Variants in MARCHF1 observed in about 807,000 individuals in gnomAD.
The protein encoded by MARCHF1 is membrane associated ring-CH-type finger 1, also known as E3 ubiquitin-protein ligase MARCHF1.
A neutral mutation model predicts 54.2 loss-of-function variants in MARCHF1; 40 were observed. The observed-to-expected ratio is 0.74, with a 90% confidence interval of 0.57 to 0.96. MARCHF1 has a LOEUF of 0.96. Among genes scored for constraint, MARCHF1 ranks in the 40% least tolerant of loss-of-function variants. The probability of loss-of-function intolerance (pLI) is 0.00; values close to 1 mark genes in which losing one functional copy is unlikely to be tolerated. For synonymous variants in MARCHF1, 236 were observed against 236.3 expected (o/e 1.00, Z 0.01); for missense variants, 586 against 656.5 (o/e 0.89, Z 1.17).
intron 4 of MARCHF1, among the ~76,000 whole-genome samples, chr4:163,835,275 A>G (rs1749148098): frequency 6.6e-6 from 1 of 152,256 alleles, no homozygotes; most frequent in African/African-American, 2.4e-5. Flanking sequence ...ATAAATATAT[A>G]GAAATGGATA....
chr4:163,778,157 T>C (rs748800327), intron 4 of MARCHF1, among the ~76,000 whole-genome samples: 2 of 120,682 alleles, frequency 1.7e-5, no homozygotes, highest in African/African-American at 2.9e-5. Flanking sequence ...AGTTTTCTTA[T>C]CTATTTAGCA....
intron 5 of MARCHF1, among the ~76,000 whole-genome samples, chr4:163,623,247 G>T (rs1013682062): frequency 2.0e-5 from 3 of 152,086 alleles, no homozygotes; most frequent in African/African-American, 7.2e-5. Context: ...TAATGACTAG[G>T]GACCATTATG....
intron 3 of MARCHF1, among the ~76,000 whole-genome samples, chr4:163,951,289 T>C (rs1315592989): frequency 6.6e-6 from 1 of 152,218 alleles, no homozygotes; most frequent in Non-Finnish European, 1.5e-5. Context: ...CGTTAACCCT[T>C]GTCCTTAACT....
intron 4 of MARCHF1, among the ~76,000 whole-genome samples, chr4:163,791,732 T>G (rs1261856971): frequency 1.3e-5 from 2 of 152,180 alleles, no homozygotes; most frequent in African/African-American, 4.8e-5. Context: ...CTTCACCTGA[T>G]TTCTTTCTAA....
intron 5 of MARCHF1, among the ~76,000 whole-genome samples, chr4:163,634,743 G>A (rs201825992): frequency 0.03 from 4,434 of 146,824 alleles, 190 homozygotes; most frequent in East Asian, 0.16. Context: ...TGCACCAAGC[G>A]GACCTAATAG....
chr4:163,878,859 A>G (rs1320451584), intron 3 of MARCHF1, among the ~76,000 whole-genome samples: 1 of 152,194 alleles, frequency 6.6e-6, no homozygotes, highest in South Asian at 2.1e-4. Context: ...TTTATTCTGA[A>G]TGCTACCTGG....
intron 2 of MARCHF1, among the ~76,000 whole-genome samples, chr4:163,994,854 T>C (rs1309082555): frequency 2.0e-5 from 3 of 151,744 alleles, no homozygotes; most frequent in Non-Finnish European, 4.4e-5. Context: ...TACATGTATC[T>C]GCTCAAATAT....
intron 4 of MARCHF1, among the ~76,000 whole-genome samples, chr4:163,737,160 C>CTTTTTT (rs201243891): frequency 1.2e-4 from 5 of 41,010 alleles, no homozygotes; most frequent in African/African-American, 6.2e-4. Context: ...CAGCTTTTTT[C>CTTTTTT]TTTCTTTTTT....
intron 1 of MARCHF1, among the ~76,000 whole-genome samples, chr4:164,366,397 A>G (rs1730881465): frequency 6.6e-6 from 1 of 152,042 alleles, no homozygotes; most frequent in Non-Finnish European, 1.5e-5. Context: ...ATGGATGTGC[A>G]TATAATCTTT....
chr4:163,784,236 T>A (rs1477284186), intron 4 of MARCHF1, among the ~76,000 whole-genome samples: 1 of 152,120 alleles, frequency 6.6e-6, no homozygotes, highest in Non-Finnish European at 1.5e-5. Context: ...GCCATTCTGT[T>A]TTCAACATGC....
intron 8 of MARCHF1, among the ~76,000 whole-genome samples, chr4:163,572,437 A>C (rs765655506): frequency 3.9e-5 from 6 of 152,048 alleles, no homozygotes; most frequent in Non-Finnish European, 7.4e-5. Context: ...CAGATGAAGA[A>C]ACTGAGACAA....
intron 4 of MARCHF1, among the ~76,000 whole-genome samples, chr4:163,726,950 G>A (rs1474520949): frequency 1.3e-5 from 2 of 152,046 alleles, no homozygotes; most frequent in Non-Finnish European, 2.9e-5. Flanking sequence ...AGAGTTCTTT[G>A]TGCATTTTGG....
chr4:164,282,776 G>C (rs1337653939), intron 1 of MARCHF1, among the ~76,000 whole-genome samples: 1 of 151,268 alleles, frequency 6.6e-6, no homozygotes, highest in Non-Finnish European at 1.5e-5. Flanking sequence ...AACAGGCTCT[G>C]CCTGTCCATC....
chr4:163,772,945 T>C (rs1372871732), intron 4 of MARCHF1, among the ~76,000 whole-genome samples: 3 of 152,138 alleles, frequency 2.0e-5, no homozygotes, highest in African/African-American at 7.2e-5. Flanking sequence ...TGGGCATATG[T>C]GGTGGCAAAT....
chr4:163,822,617 G>C (rs1489332262), intron 4 of MARCHF1, among the ~76,000 whole-genome samples: 1 of 151,806 alleles, frequency 6.6e-6, no homozygotes, highest in East Asian at 1.9e-4. Flanking sequence ...GTTTTTTATT[G>C]GTGATATTAG....
In MARCHF1 at chr4:164,107,846, A is replaced by G. The variant is rs567541894; in HGVS notation, c.-248+3742T>C. On this transcript the variant is annotated intron_variant, in intron 2 of 9. Transcript: ENST00000514618. ...AAAAAAGAGAATAGGTTTGAGATTA[A>G]AAGTTGGAAAAAGGGAAGCCTTGGA... 4.6e-5 allele frequency among the ~76,000 whole-genome samples: 7 copies of G among 152,264 alleles called. No individual in the cohort carries two copies. In the East Asian group the frequency reaches 1.3e-3, roughly 29 times the overall value.
At chr4:163,961,225 A>C (rs563473288) in intron 3 of MARCHF1, among the ~76,000 whole-genome samples, 1 of 152,038 alleles carries the variant, frequency 6.6e-6, no homozygotes, top group Non-Finnish European at 1.5e-5. Context: ...CAATAACTTA[A>C]ACACTCATCT....
intron 4 of MARCHF1, among the ~76,000 whole-genome samples, chr4:163,828,413 T>C (rs527896220): frequency 1.2e-4 from 18 of 152,294 alleles, no homozygotes; most frequent in African/African-American, 4.1e-4. Flanking sequence ...TTTTGTTCTG[T>C]GATTATCTTT....
intron 1 of MARCHF1, among the ~76,000 whole-genome samples, chr4:164,308,829 A>G (rs1734766322): frequency 6.6e-6 from 1 of 151,982 alleles, no homozygotes; most frequent in Non-Finnish European, 1.5e-5. Flanking sequence ...GGAGGGAGAA[A>G]AGCAGAAAAA....
Sources: allele counts gnomAD v4.1 joint callset (sites outside exome capture counted in the v4.1 genomes callset), GRCh38; gene constraint gnomAD v4.1.1; transcripts MANE v1.5; gene names NCBI Gene and HGNC (gene_info 2026-07-23, HGNC 2026-07-21).